GUCY1A2: variants seen among roughly 807,000 people sequenced by gnomAD.
The protein encoded by GUCY1A2 is guanylate cyclase soluble subunit alpha-2.
A neutral mutation model predicts 63.5 loss-of-function variants in GUCY1A2; 27 were observed. That is an observed-to-expected ratio of 0.43 (90% confidence interval 0.31 to 0.59). The LOEUF (loss-of-function observed/expected upper bound fraction) is 0.59, where lower values mean the gene tolerates loss of function less well. GUCY1A2 is among the 20% of genes least tolerant of loss of function. The pLI is 0.11. For synonymous variants in GUCY1A2, 364 were observed against 343.5 expected (o/e 1.06, Z -0.66); for missense variants, 768 against 913.3 (o/e 0.84, Z 2.05).
rs72987317 is a variant in GUCY1A2, at chr11:106,677,882, G to C, written c.*9667C>G. 3 of 202,534 alleles carry C rather than the reference G, an allele frequency of 1.5e-5. No individual in the cohort carries two copies. Among genetic ancestry groups the C allele is most frequent in the Admixed American group, 6.0e-5 (1 of 16,694 alleles). 12.5% of individuals were successfully genotyped at this position (202,534 alleles called of 1,614,324 possible). On this transcript the variant is annotated 3_prime_UTR_variant, in exon 8 of 8. Transcript: ENST00000526355. ...TTCATAAAATGGGACTCCTCCTATA[G>C]CCAGGTAATCATTTGGATTTTAGCA...
At chr11:106,977,649 C>T (rs1309033217) in intron 3 of GUCY1A2, among the ~76,000 whole-genome samples, 1 of 152,124 alleles carries the variant, frequency 6.6e-6, no homozygotes, top group Non-Finnish European at 1.5e-5. Flanking sequence ...TTGGGGTAAC[C>T]TGGAAACTGT....
At chr11:106,756,007 C>T (rs1349466910) in intron 6 of GUCY1A2, among the ~76,000 whole-genome samples, 2 of 152,172 alleles carry the variant, frequency 1.3e-5, no homozygotes, top group Admixed American at 6.5e-5. Context: ...TTTCTAAGGA[C>T]TTGCTTTATG....
At chr11:106,726,630 AAAG>A (rs547322840) in intron 6 of GUCY1A2, among the ~76,000 whole-genome samples, 335 of 152,292 alleles carry the variant, frequency 2.2e-3, no homozygotes, top group Non-Finnish European at 3.9e-3. Flanking sequence ...ATGGTAATGG[AAAG>A]AAGGAGACTG....
At chr11:106,718,799 C>CT (rs1406673283) in intron 6 of GUCY1A2, among the ~76,000 whole-genome samples, 2 of 152,028 alleles carry the variant, frequency 1.3e-5, no homozygotes, top group African/African-American at 4.8e-5. Context: ...TAGTGACATA[C>CT]TTGAAGCACA....
At chr11:106,699,557 A>G (rs557819143) in intron 7 of GUCY1A2, among the ~76,000 whole-genome samples, 1 of 152,242 alleles carries the variant, frequency 6.6e-6, no homozygotes, top group Non-Finnish European at 1.5e-5. Flanking sequence ...TGAATACCAG[A>G]TTAATGCCTT....
At chr11:106,702,987 G>A (rs776363165) in intron 7 of GUCY1A2, among the ~76,000 whole-genome samples, 3 of 152,144 alleles carry the variant, frequency 2.0e-5, no homozygotes, top group Non-Finnish European at 2.9e-5. Flanking sequence ...TCAGTGGACT[G>A]GGAAGGGCGG....
intron 5 of GUCY1A2, among the ~76,000 whole-genome samples, chr11:106,797,453 T>G (rs936820289): frequency 6.6e-6 from 1 of 152,160 alleles, no homozygotes; most frequent in Admixed American, 6.6e-5. Flanking sequence ...TACAGAACTC[T>G]ACACCCCAAA....
intron 5 of GUCY1A2, among the ~76,000 whole-genome samples, chr11:106,801,389 G>A (rs200355683): frequency 4.6e-5 from 7 of 152,026 alleles, no homozygotes; most frequent in African/African-American, 1.5e-4. Context: ...TGGAGAGACC[G>A]TACCAATTGA....
chr11:106,892,771 C>A (rs11211964), intron 4 of GUCY1A2, among the ~76,000 whole-genome samples: 18,457 of 152,078 alleles, frequency 0.12, 1,316 homozygotes, highest in African/African-American at 0.19. Flanking sequence ...GGGGTCTTGG[C>A]ATGAAAATTA....
intron 4 of GUCY1A2, among the ~76,000 whole-genome samples, chr11:106,845,556 T>A (rs576418358): frequency 6.6e-6 from 1 of 151,680 alleles, no homozygotes; most frequent in South Asian, 2.1e-4. Context: ...GTAGGTACAA[T>A]TTTTTTGTGT....
chr11:106,805,901 C>A (rs888193322), intron 5 of GUCY1A2, among the ~76,000 whole-genome samples: 5 of 152,184 alleles, frequency 3.3e-5, no homozygotes, highest in Non-Finnish European at 7.4e-5. Context: ...TAGAATCAGA[C>A]AAGTCTCAGT....
At chr11:106,931,023 A>G (rs1319600427) in intron 4 of GUCY1A2, among the ~76,000 whole-genome samples, 1 of 152,250 alleles carries the variant, frequency 6.6e-6, no homozygotes, top group Non-Finnish European at 1.5e-5. Flanking sequence ...TTACATTTCT[A>G]TGAATGAAAC....
intron 4 of GUCY1A2, among the ~76,000 whole-genome samples, chr11:106,914,767 T>C (rs564102659): frequency 2.6e-4 from 40 of 152,044 alleles, no homozygotes; most frequent in African/African-American, 9.4e-4. Flanking sequence ...ATTTGGAATT[T>C]TGCAACAGTA....
At chr11:106,698,138 T>TTTTTTTTTTTTTTTTG (rs1555020237) in intron 7 of GUCY1A2, among the ~76,000 whole-genome samples, 1 of 145,758 alleles carries the variant, frequency 6.9e-6, no homozygotes, top group Non-Finnish European at 1.5e-5. Context: ...TTTTTTTTTT[T>TTTTTTTTTTTTTTTTG]AGACAGGGTC....
At chr11:106,954,255 A>C (rs1860951715) in intron 3 of GUCY1A2, among the ~76,000 whole-genome samples, 1 of 152,090 alleles carries the variant, frequency 6.6e-6, no homozygotes, top group East Asian at 1.9e-4. Context: ...TTTCTGCTTT[A>C]ATTTCATTAT....
Position 106,683,259 on chromosome 11 carries a change from A to C in GUCY1A2, c.*4290T>G, listed in dbSNP as rs1862461686. 1 of 218,662 alleles carries C rather than the reference A, an allele frequency of 4.6e-6. No homozygotes were observed. Among genetic ancestry groups the C allele is most frequent in the Non-Finnish European group, 9.2e-6 (1 of 108,788 alleles). 13.5% of individuals were successfully genotyped at this position (218,662 alleles called of 1,614,324 possible). A position where few individuals can be genotyped will look rare whatever the true frequency, so the allele number is the denominator to read the frequency against. On this transcript the variant is annotated 3_prime_UTR_variant, in exon 8 of 8. Coordinates refer to ENST00000526355, the MANE Select transcript of GUCY1A2 (RefSeq NM_000855.3). Reference sequence around the variant, plus strand: ...TTTGTAGCTGAAGGTCTATAATCTAATAGTAGAAAAAACTAAGCTACGATA... The same window carrying C: ...TTTGTAGCTGAAGGTCTATAATCTACTAGTAGAAAAAACTAAGCTACGATA...
At chr11:106,709,350 A>G (rs1862995851) in intron 6 of GUCY1A2, among the ~76,000 whole-genome samples, 1 of 100,818 alleles carries the variant, frequency 9.9e-6, no homozygotes, top group Non-Finnish European at 1.8e-5. Flanking sequence ...ATAAATTTAT[A>G]TATTTTATAT....
intron 4 of GUCY1A2, among the ~76,000 whole-genome samples, chr11:106,830,546 A>G (rs1283848858): frequency 6.6e-6 from 1 of 152,232 alleles, no homozygotes; most frequent in Admixed American, 6.5e-5. Flanking sequence ...AAAAGCAGGC[A>G]GAAGAAAGTT....
chr11:106,853,393 C>T (rs962153773), intron 4 of GUCY1A2, among the ~76,000 whole-genome samples: 1 of 151,720 alleles, frequency 6.6e-6, no homozygotes, highest in Admixed American at 6.6e-5. Context: ...ATTTTGGAAG[C>T]TCTATCTTCA....
Sources: allele counts gnomAD v4.1 joint callset (sites outside exome capture counted in the v4.1 genomes callset), GRCh38; gene constraint gnomAD v4.1.1; transcripts MANE v1.5; gene names NCBI Gene and HGNC (gene_info 2026-07-23, HGNC 2026-07-21).